Variants in RTEL1 observed in about 807,000 individuals in gnomAD.
The protein encoded by RTEL1 is regulator of telomere length.
A neutral mutation model predicts 162.2 loss-of-function variants in RTEL1; 86 were observed. The ratio of observed to expected loss-of-function variants is 0.53; its 90% confidence interval spans 0.45 to 0.63. RTEL1 has a LOEUF of 0.63. RTEL1 is among the 30% of genes least tolerant of loss of function. RTEL1 has a pLI of 0.00. For missense variants in RTEL1, 1,941 were observed against 1,750.2 expected (o/e 1.11, Z -1.95); for synonymous variants, 958 against 717.9 (o/e 1.33, Z -5.35).
intron 29 of RTEL1, 57 bp downstream of exon 29, chr20:63,693,060 G>T (rs1174096395): frequency 5.0e-6 from 8 of 1,609,684 alleles, no homozygotes; most frequent in African/African-American, 2.7e-5. Flanking sequence ...CCGCGTGTGG[G>T]GTGGGGGCCA....
intron 14 of RTEL1, chr20:63,682,704 CCT>C (rs2090503695): frequency 1.0e-6 from 1 of 985,584 alleles, no homozygotes. Context: ...GGCCTGCAGC[CCT>C]GAGTCACAGG....
chr20:63,690,313 G>T lies in RTEL1; in HGVS notation c.2285G>T (p.Arg762Leu), dbSNP rs759789479. The change falls in exon 26 of 35, where the codon CGG (arginine) becomes CTG (leucine). Residue 762 changes from arginine to leucine, a missense_variant. Arg to Leu is a moderately radical substitution (Grantham distance 102). Coordinates refer to ENST00000360203, the MANE Select transcript of RTEL1 (RefSeq NM_001283009.2). ...CTGCAGATGCCAGCGCCGGCCCCCCGGGCTACAGCACCCAGTGTGCGTGGA... is the reference window on the plus strand; with the variant it reads ...CTGCAGATGCCAGCGCCGGCCCCCCTGGCTACAGCACCCAGTGTGCGTGGA... Reference protein sequence around the residue: ...AERTMPAPAPRATAPSVRGED... With the variant: ...AERTMPAPAPLATAPSVRGED... 6.2e-7 allele frequency: 1 copy of T among 1,608,056 alleles called. No individual in the cohort carries two copies. Among genetic ancestry groups the T allele is most frequent in the African/African-American group, 1.3e-5 (1 of 74,808 alleles).
Position 63,694,766 on chromosome 20 carries a change from G to C in RTEL1, c.3135G>C (p.Trp1045Cys). 6.2e-7 allele frequency: 1 copy of C among 1,608,072 alleles called. No homozygotes were observed. ...GAGACCCTGGCAGCCAACCACAGTGGGGGTCTGGAGTGCCCAGAGCAGGGA... is the reference window on the plus strand; with the variant it reads ...GAGACCCTGGCAGCCAACCACAGTGCGGGTCTGGAGTGCCCAGAGCAGGGA... ...PTGDPGSQPQWGSGVPRAGKQ... is the reference protein window; with the variant it reads ...PTGDPGSQPQCGSGVPRAGKQ... Residue 1045 changes from tryptophan (W) to cysteine (C), a missense_variant, in exon 32 of 35, where the codon TGG (tryptophan) becomes TGC (cysteine). Physicochemically the swap from Trp to Cys is radical, Grantham distance 215 (BLOSUM62 -2). Transcript: ENST00000360203.
In RTEL1 at chr20:63,695,779, C is replaced by G. The variant is rs771296244; in HGVS notation, c.3824C>G (p.Ala1275Gly). Reference protein sequence around the residue: ...CQACWQRHLQASRMCPACHTA... With the variant: ...CQACWQRHLQGSRMCPACHTA... ...TGCAGTGGGCCGGTTGTCTCACAGG[C>G]CTCTAGGATGTGCCCAGCCTGCCAC... The change falls in exon 35 of 35, where the codon GCC becomes GGC. Residue 1275 changes from alanine (A) to glycine (G), a missense_variant and splice_region_variant. Coordinates refer to ENST00000360203, the MANE Select transcript of RTEL1 (RefSeq NM_001283009.2). The G allele has an allele frequency of 3.1e-6, 5 of 1,591,532 alleles. No individual in the cohort carries two copies. In the Admixed American group the frequency reaches 8.9e-5, roughly 28 times the overall value.
chr20:63,667,625 G>A (rs769683580), intron 8 of RTEL1, 72 bp downstream of exon 8: 165 of 1,249,192 alleles, frequency 1.3e-4, no homozygotes, highest in Non-Finnish European at 1.8e-4. Flanking sequence ...ACAGCTGTCC[G>A]AGCCTTTGCT....
At chr20:63,689,233 C>A in intron 22 of RTEL1, 101 bp downstream of exon 22, 1 of 1,201,692 alleles carries the variant, frequency 8.3e-7, no homozygotes, top group Non-Finnish European at 1.2e-6. Context: ...TGCCCGGTCC[C>A]CTCCTTGGGT....
In RTEL1 at chr20:63,662,885, A is replaced by G; in HGVS notation, c.534A>G (p.Val178=). Reference sequence around the variant, plus strand: ...GCTCCTGTCATTTCTACAACAACGTAGAAGGTACAAGCAGCTGGGTGGGAC... The same window carrying G: ...GCTCCTGTCATTTCTACAACAACGTGGAAGGTACAAGCAGCTGGGTGGGAC... ...ASRSCHFYNN[V]EEKSLEQELA... Residue 178 remains valine, a synonymous_variant, in exon 6 of 35, where the codon GTA becomes GTG. Transcript: ENST00000360203. The G allele has an allele frequency of 1.9e-6, 3 of 1,613,936 alleles. No homozygotes were observed. The highest frequency in any genetic ancestry group is 2.5e-6 in the Non-Finnish European group (3 of 1,179,948).
chr20:63,671,988 A>G (rs1331104408), intron 8 of RTEL1, among the ~76,000 whole-genome samples: 2 of 151,784 alleles, frequency 1.3e-5, no homozygotes, highest in Non-Finnish European at 2.9e-5. Flanking sequence ...GATGAAAGCG[A>G]TTCTCCTGCC....
chr20:63,674,395 C>G (rs953559940), intron 10 of RTEL1, among the ~76,000 whole-genome samples: 1 of 152,198 alleles, frequency 6.6e-6, no homozygotes, highest in African/African-American at 2.4e-5. Context: ...TGGTATTTTC[C>G]AAAGACCTAT....
In RTEL1 at chr20:63,695,169, G is replaced by C. The variant is rs969247050; in HGVS notation, c.3447G>C (p.Gln1149His). ...PYPGMEPPGPQEERLAVPPVL... is the reference protein window; with the variant it reads ...PYPGMEPPGPHEERLAVPPVL... Reference sequence around the variant, plus strand: ...CGGGCATGGAGCCACCGGGACCCCAGGAGGAGAGGCTTGCCGTGCCTCCTG... The same window carrying C: ...CGGGCATGGAGCCACCGGGACCCCACGAGGAGAGGCTTGCCGTGCCTCCTG... Residue 1149 changes from glutamine (Q) to histidine (H), a missense_variant, in exon 33 of 35, where the codon CAG becomes CAC. By Grantham distance (24) the Gln-to-His change is conservative. Transcript: ENST00000360203. 2 of 1,612,314 alleles carry C rather than the reference G, an allele frequency of 1.2e-6. No individual in the cohort carries two copies. The highest frequency in any genetic ancestry group is 2.7e-5 in the African/African-American group (2 of 74,918).
In RTEL1 at chr20:63,695,362, G is replaced by A. The variant is rs781484810; in HGVS notation, c.3534G>A (p.Gln1178=). The part of the protein sequence containing the change: ...PSRSEKTGKT[Q]SKISSFLRQR... ...GGTCCGAGAAGACCGGGAAGACCCA[G>A]AGCAAGATCTCGTCCTTCCTTAGAC... Residue 1178 remains glutamine (Q), a synonymous_variant, in exon 34 of 35, where the codon CAG becomes CAA. Coordinates refer to ENST00000360203, the MANE Select transcript of RTEL1 (RefSeq NM_001283009.2). 5 of 1,549,390 alleles carry A rather than the reference G, an allele frequency of 3.2e-6. No homozygotes were observed. Among genetic ancestry groups the A allele is most frequent in the East Asian group, 4.5e-5 (2 of 44,314 alleles).
chr20:63,692,673 T>G (rs1265792227), intron 28 of RTEL1, 132 bp from the exon 29 acceptor site: 1 of 862,450 alleles, frequency 1.2e-6, no homozygotes, highest in African/African-American at 1.7e-5. Flanking sequence ...AGCCAGCCAG[T>G]TTCTCAGGCA....
intron 6 of RTEL1, 64 bp from the exon 7 acceptor site, chr20:63,665,940 C>A (rs2090117436): frequency 6.7e-7 from 1 of 1,494,264 alleles, no homozygotes; most frequent in Non-Finnish European, 9.3e-7. Context: ...CCTGGGCATC[C>A]CCCTGTGGTC....
intron 28 of RTEL1, 66 bp from the exon 29 acceptor site, chr20:63,692,739 C>G: frequency 1.4e-6 from 2 of 1,477,394 alleles, no homozygotes; most frequent in Non-Finnish European, 1.9e-6. Context: ...CCAAGGAAGG[C>G]TCTGCAGCCC....
chr20:63,690,433 G>A lies in RTEL1; in HGVS notation c.2405G>A (p.Arg802Lys), dbSNP rs2090708057. 2 of 1,591,812 alleles carry A rather than the reference G, an allele frequency of 1.3e-6. No homozygotes were observed. The highest frequency in any genetic ancestry group is 1.7e-6 in the Non-Finnish European group (2 of 1,166,626). The change falls in exon 26 of 35, where the codon AGG becomes AAG. Residue 802 changes from arginine to lysine, a missense_variant. By Grantham distance (26) the Arg-to-Lys change is conservative. Coordinates refer to ENST00000360203, the MANE Select transcript of RTEL1 (RefSeq NM_001283009.2). ...LDLHVPSLKQ[R>K]SSGSPAAGDP... ...CTGCATGTCCCCAGCCTGAAGCAGA[G>A]GTCCTCAGGTGCGGACGGGCAGCGC...
chr20:63,692,514 C>A (rs142331864), intron 28 of RTEL1: 2 of 490,568 alleles, frequency 4.1e-6, no homozygotes, highest in East Asian at 3.6e-5. Flanking sequence ...AGGAGAGAGA[C>A]GGGCCATGCA....
chr20:63,667,323 G>A (rs2090156597), intron 7 of RTEL1, 146 bp from the exon 8 acceptor site: 1 of 697,620 alleles, frequency 1.4e-6, no homozygotes, highest in Non-Finnish European at 2.6e-6. Flanking sequence ...AAACTCACGT[G>A]GACTCCCATC....
At chr20:63,660,380 C>G (rs1049512765) in intron 2 of RTEL1, among the ~76,000 whole-genome samples, 5 of 152,256 alleles carry the variant, frequency 3.3e-5, no homozygotes, top group Admixed American at 1.3e-4. Flanking sequence ...GTCCCTGCGG[C>G]TTTCCGCAGT....
At chr20:63,673,563 C>T (rs184931870) in intron 9 of RTEL1, among the ~76,000 whole-genome samples, 9 of 152,036 alleles carry the variant, frequency 5.9e-5, no homozygotes, top group East Asian at 2.0e-4. Context: ...CTCAGCCTCC[C>T]GAGTAGCCGG....
Sources: gnomAD v4.1 joint callset for allele counts (sites outside exome capture counted in the v4.1 genomes callset) on GRCh38, gnomAD v4.1.1 for gene constraint, MANE v1.5 for transcripts, NCBI Gene and HGNC (gene_info 2026-07-23, HGNC 2026-07-21) for gene names.